Variants in CNTN5 observed in about 807,000 individuals in gnomAD.
CNTN5 encodes the protein contactin-5.
A neutral mutation model predicts 129.1 loss-of-function variants in CNTN5; 77 were observed. The ratio of observed to expected loss-of-function variants is 0.60; its 90% CI spans 0.50 to 0.72. CNTN5 has a LOEUF of 0.72. Ranked by LOEUF, CNTN5 falls within the 30% of genes least tolerant of loss-of-function variation. The probability of loss-of-function intolerance (pLI) is 0.00; values close to 1 mark genes in which losing one functional copy is unlikely to be tolerated. For missense variants in CNTN5, 1,478 were observed against 1,328.8 expected (o/e 1.11, Z -1.75); for synonymous variants, 509 against 465.6 (o/e 1.09, Z -1.20).
chr11:99,613,187 C>G (rs10893597), intron 3 of CNTN5, among the ~76,000 whole-genome samples: 25,216 of 152,166 alleles, frequency 0.17, 2,311 homozygotes, highest in Non-Finnish European at 0.2. Context: ...ATTGTAAGCA[C>G]CATAATGCCC....
At chr11:100,306,666 G>T (rs1769180978) in intron 20 of CNTN5, among the ~76,000 whole-genome samples, 1 of 151,588 alleles carries the variant, frequency 6.6e-6, no homozygotes, top group Admixed American at 6.6e-5. Context: ...GCAAAATCAA[G>T]AATTTTAACT....
chr11:99,267,602 C>G (rs1862964801), intron 1 of CNTN5, among the ~76,000 whole-genome samples: 1 of 151,908 alleles, frequency 6.6e-6, no homozygotes, highest in Non-Finnish European at 1.5e-5. Context: ...AAAAGCAAAT[C>G]TATTTCTAAC....
chr11:99,681,816 G>T (rs574617511), intron 3 of CNTN5, among the ~76,000 whole-genome samples: 1 of 151,938 alleles, frequency 6.6e-6, no homozygotes, highest in African/African-American at 2.4e-5. Context: ...TACCTGAAAC[G>T]ATTAACTCCA....
chr11:100,005,971 T>C (rs1035671421), intron 9 of CNTN5, among the ~76,000 whole-genome samples: 44 of 152,150 alleles, frequency 2.9e-4, no homozygotes, highest in African/African-American at 1.0e-3. Flanking sequence ...TATACAGTCA[T>C]TCCTTGGAGA....
chr11:99,382,926 G>A (rs963691812), intron 2 of CNTN5, among the ~76,000 whole-genome samples: 5 of 126,246 alleles, frequency 4.0e-5, no homozygotes, highest in African/African-American at 6.0e-5. Flanking sequence ...GCCTGATCTC[G>A]GCTCACTGCA....
At chr11:99,906,662 A>T (rs955024254) in intron 6 of CNTN5, among the ~76,000 whole-genome samples, 3 of 152,094 alleles carry the variant, frequency 2.0e-5, no homozygotes, top group Non-Finnish European at 2.9e-5. Context: ...GCCCTCATAA[A>T]ATGAGTTAGA....
At chr11:100,087,263 A>T (rs1944589171) in intron 13 of CNTN5, among the ~76,000 whole-genome samples, 1 of 151,822 alleles carries the variant, frequency 6.6e-6, no homozygotes, top group African/African-American at 2.4e-5. Context: ...TGAATAAAAA[A>T]TGATATTTCA....
intron 7 of CNTN5, among the ~76,000 whole-genome samples, chr11:99,949,799 C>T (rs921095019): frequency 2.6e-5 from 4 of 152,140 alleles, no homozygotes; most frequent in African/African-American, 2.4e-5. Flanking sequence ...ATCACTTGAA[C>T]TCTAGAACTT....
chr11:99,162,519 T>C (rs1860667443), intron 1 of CNTN5, among the ~76,000 whole-genome samples: 1 of 152,164 alleles, frequency 6.6e-6, no homozygotes, highest in African/African-American at 2.4e-5. Flanking sequence ...TGCATTAAAA[T>C]ATACCTCTTA....
At chr11:100,102,132 T>C (rs1945244335) in intron 13 of CNTN5, among the ~76,000 whole-genome samples, 3 of 152,148 alleles carry the variant, frequency 2.0e-5, no homozygotes. Flanking sequence ...CTACTTTTAG[T>C]TCTTTAAGGA....
At chr11:99,084,792 T>C (rs1591165589) in intron 1 of CNTN5, among the ~76,000 whole-genome samples, 2 of 152,310 alleles carry the variant, frequency 1.3e-5, no homozygotes, top group East Asian at 3.9e-4. Flanking sequence ...CTCATAACTT[T>C]ATAAGATCTT....
intron 2 of CNTN5, among the ~76,000 whole-genome samples, chr11:99,411,797 A>G (rs1346394793): frequency 6.6e-6 from 1 of 152,182 alleles, no homozygotes; most frequent in Non-Finnish European, 1.5e-5. Context: ...TAAACTTAGC[A>G]CTAAAGTCAC....
intron 15 of CNTN5, among the ~76,000 whole-genome samples, chr11:100,215,496 G>A (rs1445504139): frequency 6.6e-6 from 1 of 152,166 alleles, no homozygotes; most frequent in Non-Finnish European, 1.5e-5. Context: ...ATAAAGCACA[G>A]CAACTAATGC....
intron 1 of CNTN5, among the ~76,000 whole-genome samples, chr11:99,156,607 A>G (rs1170521189): frequency 6.6e-6 from 1 of 152,018 alleles, no homozygotes; most frequent in African/African-American, 2.4e-5. Context: ...TATACTGCAG[A>G]CTACAAATAC....
chr11:100,010,103 A>G (rs1029878136), intron 9 of CNTN5, among the ~76,000 whole-genome samples: 4 of 152,158 alleles, frequency 2.6e-5, no homozygotes, highest in Non-Finnish European at 4.4e-5. Context: ...TCAAGGGACA[A>G]TGCAAGCAAG....
intron 3 of CNTN5, among the ~76,000 whole-genome samples, chr11:99,558,974 A>T (rs955150431): frequency 1.1e-4 from 16 of 152,108 alleles, no homozygotes; most frequent in African/African-American, 3.9e-4. Context: ...ATTTATCAAG[A>T]ATGATTATGT....
chr11:99,794,981 A>G (rs903603082), intron 3 of CNTN5, among the ~76,000 whole-genome samples: 1 of 152,150 alleles, frequency 6.6e-6, no homozygotes, highest in Non-Finnish European at 1.5e-5. Flanking sequence ...TTGCAAGGTT[A>G]AGGAAATTTT....
chr11:99,523,663 TC>T lies in CNTN5; in HGVS notation c.-70-32481del, dbSNP rs1565258707. Among the ~76,000 whole-genome samples the T allele has an allele frequency of 6.1e-3, 811 of 132,606 alleles. 4 individuals are homozygous for T. The highest frequency in any genetic ancestry group is 0.011 in the Middle Eastern group (3 of 262). 87.0% of individuals were successfully genotyped at this position (132,606 alleles called of 152,430 possible). On this transcript the variant is annotated intron_variant, in intron 2 of 24. Transcript: ENST00000524871. ...ATAGAATAGAATAGAACAGAACAGA[TC>T]AGAACAGAACAGAACAGAACAGAAC...
chr11:99,422,518 TTATATATATATA>T (rs71046684), intron 2 of CNTN5, among the ~76,000 whole-genome samples: 2,091 of 83,384 alleles, frequency 0.025, 36 homozygotes, highest in Middle Eastern at 0.054. Flanking sequence ...CTTTATATTT[TTATATATATATA>T]TATATATATA....
Sources: gnomAD v4.1 joint callset for allele counts (sites outside exome capture counted in the v4.1 genomes callset) on GRCh38, gnomAD v4.1.1 for gene constraint, MANE v1.5 for transcripts, NCBI Gene and HGNC (gene_info 2026-07-23, HGNC 2026-07-21) for gene names.